Variants in CNTN6 observed in about 807,000 individuals in gnomAD.
The protein encoded by CNTN6 is contactin 6.
A neutral mutation model predicts 122.8 loss-of-function variants in CNTN6; 137 were observed. The observed-to-expected ratio is 1.12, with a 90% CI of 0.97 to 1.29. The LOEUF (loss-of-function observed/expected upper bound fraction) is 1.29, where lower values mean the gene tolerates loss of function less well. Ranked by LOEUF, CNTN6 falls within the 50% of genes most tolerant of loss-of-function variation. The pLI is 0.00. For missense variants in CNTN6, 1,634 were observed against 1,223.4 expected (o/e 1.34, Z -5.01); for synonymous variants, 570 against 426.0 (o/e 1.34, Z -4.16).
chr3:1,303,741 C>CTA (rs1559765342), intron 7 of CNTN6, among the ~76,000 whole-genome samples: 20 of 151,970 alleles, frequency 1.3e-4, no homozygotes, highest in African/African-American at 4.8e-4. Context: ...ATAGTAGACA[C>CTA]CATAAATGTC....
At chr3:1,106,376 T>C (rs1207921925) in intron 1 of CNTN6, among the ~76,000 whole-genome samples, 2 of 152,140 alleles carry the variant, frequency 1.3e-5, no homozygotes, top group African/African-American at 4.8e-5. Context: ...TAATATTTGA[T>C]GTTATTTGAC....
chr3:1,297,862 G>T, intron 6 of CNTN6, 27 bp from the exon 7 acceptor site: 1 of 1,552,750 alleles, frequency 6.4e-7, no homozygotes, highest in Non-Finnish European at 8.8e-7. Flanking sequence ...CTCCAGAAAT[G>T]CTGCTAGCTC....
intron 4 of CNTN6, among the ~76,000 whole-genome samples, chr3:1,274,386 C>G (rs1414164023): frequency 6.6e-6 from 1 of 152,112 alleles, no homozygotes; most frequent in Non-Finnish European, 1.5e-5. Context: ...ATGCCAGGTC[C>G]TAAATTAGTA....
intron 5 of CNTN6, among the ~76,000 whole-genome samples, chr3:1,294,148 G>T (rs1169414231): frequency 2.0e-5 from 3 of 152,120 alleles, no homozygotes; most frequent in Admixed American, 6.6e-5. Context: ...CTTAGACAAG[G>T]ATGCTTATTT....
chr3:1,252,712 T>G (rs2094690478), intron 4 of CNTN6, among the ~76,000 whole-genome samples: 1 of 152,190 alleles, frequency 6.6e-6, no homozygotes, highest in Non-Finnish European at 1.5e-5. Flanking sequence ...CTTATTTTAC[T>G]GCAGAGAAAT....
intron 10 of CNTN6, 134 bp from the exon 11 acceptor site, chr3:1,329,651 C>A: frequency 1.5e-6 from 1 of 650,410 alleles, no homozygotes; most frequent in Non-Finnish European, 2.5e-6. Flanking sequence ...GGTCCAAGAA[C>A]ACCTTGAGCA....
chr3:1,176,892 C>G (rs138674475), intron 2 of CNTN6, among the ~76,000 whole-genome samples: 2 of 152,254 alleles, frequency 1.3e-5, no homozygotes, highest in African/African-American at 2.4e-5. Flanking sequence ...TTCTTCATTA[C>G]AAGCAGAGTA....
At chr3:1,100,069 T>G (rs2090798166) in intron 1 of CNTN6, among the ~76,000 whole-genome samples, 1 of 152,164 alleles carries the variant, frequency 6.6e-6, no homozygotes, top group African/African-American at 2.4e-5. Flanking sequence ...CCCCAATATT[T>G]TTGTCAAGGT....
intron 1 of CNTN6, among the ~76,000 whole-genome samples, chr3:1,131,808 T>C (rs2092344020): frequency 6.6e-6 from 1 of 152,146 alleles, no homozygotes; most frequent in Admixed American, 6.6e-5. Context: ...TTGTTATGAA[T>C]ATCTTGAAAG....
rs370229106 is a variant in CNTN6 at position 1,277,341 on chromosome 3, G to GTTTTC, written c.359-1067_359-1063dup. 1.3e-3 allele frequency among the ~76,000 whole-genome samples: 83 copies of GTTTTC among 66,126 alleles called. 1 individual carries two copies. The East Asian group carries it at 0.034, about 27-fold the overall frequency. 43.4% of individuals were successfully genotyped at this position (66,126 alleles called of 152,430 possible). Reference sequence around the variant, plus strand: ...GAATACTACTTCTGTCTTTTAGTAGGTTTTCTTTTTTTTTTTTTTTTTTTT... The same window carrying GTTTTC: ...GAATACTACTTCTGTCTTTTAGTAGGTTTTCTTTTCTTTTTTTTTTTTTTTTTTTT... On this transcript the variant is annotated intron_variant, in intron 4 of 22. Coordinates refer to ENST00000446702, the MANE Select transcript of CNTN6 (RefSeq NM_001289080.2).
rs115016678 is a variant in CNTN6 at position 1,331,664 on chromosome 3, C to T, written c.1364+1729C>T. On this transcript the variant is annotated intron_variant, in intron 11 of 22. Transcript: ENST00000446702. ...GCAGTATCAAACACAGCACCTTGTA[C>T]TGAGGGTCTGGACAAATTGATTAAC... Among the ~76,000 whole-genome samples, 780 of 152,008 alleles carry T rather than the reference C, an allele frequency of 5.1e-3. 6 individuals carry two copies. Among genetic ancestry groups the T allele is most frequent in the African/African-American group, 0.018 (741 of 41,514 alleles).
rs71619483 is a variant in CNTN6 at position 1,280,459 on chromosome 3, A to ATTTTTTTTTTTTTTTTTTTTT, written c.454+1954_454+1974dup. Among the ~76,000 whole-genome samples, 235 of 66,612 alleles carry ATTTTTTTTTTTTTTTTTTTTT rather than the reference A, an allele frequency of 3.5e-3. 50 individuals are homozygous for ATTTTTTTTTTTTTTTTTTTTT. Among genetic ancestry groups the ATTTTTTTTTTTTTTTTTTTTT allele is most frequent in the African/African-American group, 4.5e-3 (74 of 16,346 alleles). The allele number at this position is 66,612 out of a possible 152,430, so 43.7% of individuals were successfully genotyped here. A position where few individuals can be genotyped will look rare whatever the true frequency, so the allele number is the denominator to read the frequency against. On this transcript the variant is annotated intron_variant, in intron 5 of 22. Transcript: ENST00000446702. ...GTAATGGCAAACTTGTGTAATACCAATTTTTTTTTTTTTTTTTTTTTTTGT... is the reference window on the plus strand; with the variant it reads ...GTAATGGCAAACTTGTGTAATACCAATTTTTTTTTTTTTTTTTTTTTTTTTTTTTTTTTTTTTTTTTTTTGT...
chr3:1,326,683 A>G (rs1472644288), intron 9 of CNTN6, among the ~76,000 whole-genome samples: 1 of 152,034 alleles, frequency 6.6e-6, no homozygotes, highest in Non-Finnish European at 1.5e-5. Context: ...TACTTTGCAC[A>G]TGTAGGCATA....
intron 6 of CNTN6, among the ~76,000 whole-genome samples, chr3:1,297,225 A>G (rs1199313254): frequency 6.6e-6 from 1 of 152,110 alleles, no homozygotes; most frequent in Non-Finnish European, 1.5e-5. Context: ...TTAGAAATGT[A>G]TTACTCTGTC....
intron 4 of CNTN6, among the ~76,000 whole-genome samples, chr3:1,247,648 G>A (rs2094600946): frequency 6.6e-6 from 1 of 152,146 alleles, no homozygotes; most frequent in Admixed American, 6.6e-5. Flanking sequence ...AACTGTTTCT[G>A]TGAGTATAAT....
At position 1,365,216 on chromosome 3, in the gene CNTN6, C is replaced by T. The variant is rs768548580; in HGVS notation, c.1493-7083C>T. Among the ~76,000 whole-genome samples the T allele has an allele frequency of 5.3e-5, 8 of 152,160 alleles. No homozygotes were observed. In the South Asian group the frequency reaches 6.2e-4, roughly 12 times the overall value. On this transcript the variant is annotated intron_variant, in intron 12 of 22. Coordinates refer to ENST00000446702, the MANE Select transcript of CNTN6 (RefSeq NM_001289080.2). ...CTTGTTTAATCTATACACTAACCTA[C>T]TTCCACAACTCCAATTATCTGGAGG...
chr3:1,172,570 A>C (rs1332924023), intron 2 of CNTN6, among the ~76,000 whole-genome samples: 3 of 152,082 alleles, frequency 2.0e-5, no homozygotes, highest in Non-Finnish European at 4.4e-5. Flanking sequence ...CCATTTCCCA[A>C]AAGCATCCAA....
intron 1 of CNTN6, among the ~76,000 whole-genome samples, chr3:1,113,963 T>A (rs1311645119): frequency 6.6e-6 from 1 of 152,164 alleles, no homozygotes; most frequent in Non-Finnish European, 1.5e-5. Context: ...TGGTCACCAT[T>A]CCTTTATTTA....
chr3:1,206,831 A>G (rs1327120193), intron 2 of CNTN6, among the ~76,000 whole-genome samples: 1 of 152,114 alleles, frequency 6.6e-6, no homozygotes, highest in Non-Finnish European at 1.5e-5. Context: ...TATTTGTCAA[A>G]GCTGACCATT....
Sources: allele counts gnomAD v4.1 joint callset (sites outside exome capture counted in the v4.1 genomes callset), GRCh38; gene constraint gnomAD v4.1.1; transcripts MANE v1.5; gene names NCBI Gene and HGNC (gene_info 2026-07-23, HGNC 2026-07-21).